The following MTUS2 variants were observed in gnomAD, a reference collection of about 807,000 sequenced individuals.
The protein encoded by MTUS2 is microtubule associated scaffold protein 2.
MTUS2 carries 40 observed loss-of-function variants against 114.1 expected under a neutral mutation model. The observed-to-expected ratio is 0.35, with a 90% confidence interval of 0.27 to 0.46. MTUS2 has a LOEUF of 0.46. Ranked by LOEUF, MTUS2 falls within the 20% of genes least tolerant of loss-of-function variation. The probability of loss-of-function intolerance (pLI) is 1.00; values close to 1 mark genes in which losing one functional copy is unlikely to be tolerated. For synonymous variants in MTUS2, 688 were observed against 672.0 expected (o/e 1.02, Z -0.37); for missense variants, 1,679 against 1,705.4 (o/e 0.98, Z 0.27).
At chr13:28,886,971 C>G (rs1202180404) in intron 2 of MTUS2, among the ~76,000 whole-genome samples, 5 of 152,164 alleles carry the variant, frequency 3.3e-5, no homozygotes, top group Non-Finnish European at 7.3e-5. Flanking sequence ...GCCAGTGTCT[C>G]TGGAGTGGTG....
At chr13:29,035,671 T>C (rs1175047869) in intron 4 of MTUS2, among the ~76,000 whole-genome samples, 2 of 152,206 alleles carry the variant, frequency 1.3e-5, no homozygotes, top group Non-Finnish European at 2.9e-5. Flanking sequence ...CTGTTTTCTT[T>C]TTATTTCACA....
At chr13:28,877,135 A>C (rs1209943967) in intron 2 of MTUS2, among the ~76,000 whole-genome samples, 1 of 128,738 alleles carries the variant, frequency 7.8e-6, no homozygotes, top group East Asian at 2.0e-4. Context: ...TAAAAATACA[A>C]AAAAAAAAAA....
At chr13:29,232,232 A>T (rs1295785032) in intron 5 of MTUS2, among the ~76,000 whole-genome samples, 4 of 152,166 alleles carry the variant, frequency 2.6e-5, no homozygotes, top group African/African-American at 9.7e-5. Context: ...AATTAATAAC[A>T]TGATTTCCAA....
At position 29,051,695 on chromosome 13, in the gene MTUS2, G is replaced by A. The variant is rs149801530; in HGVS notation, c.2446+17570G>A. Among the ~76,000 whole-genome samples, 587 of 152,322 alleles carry A rather than the reference G, an allele frequency of 3.9e-3. 2 individuals carry two copies. The highest frequency in any genetic ancestry group is 0.014 in the Middle Eastern group (4 of 294). ...CAAAAAATGGTCAATAATGTTGAAT[G>A]CCACTGGGCAGTTGGAGGGAGAGAA... On this transcript the variant is annotated intron_variant, in intron 4 of 15. Transcript: ENST00000612955.
At chr13:28,963,147 C>T (rs770189862) in intron 2 of MTUS2, among the ~76,000 whole-genome samples, 1 of 152,034 alleles carries the variant, frequency 6.6e-6, no homozygotes, top group Non-Finnish European at 1.5e-5. Flanking sequence ...GTCAGGAGAT[C>T]GAGACCATCC....
intron 13 of MTUS2, 191 bp downstream of exon 13, chr13:29,497,527 C>T (rs1459447016): frequency 1.7e-6 from 1 of 597,296 alleles, no homozygotes; most frequent in Admixed American, 2.9e-5. Context: ...CAGACAGCAG[C>T]TGTGGGTTTC....
chr13:29,111,328 T>TAAAAA, intron 5 of MTUS2, among the ~76,000 whole-genome samples: 1 of 152,224 alleles, frequency 6.6e-6, no homozygotes, highest in Non-Finnish European at 1.5e-5. Context: ...GCAAAGGTTT[T>TAAAAA]ACTGCCTTGC....
chr13:29,447,008 C>T (rs970027771), intron 9 of MTUS2, among the ~76,000 whole-genome samples: 3 of 152,222 alleles, frequency 2.0e-5, no homozygotes, highest in Admixed American at 6.5e-5. Context: ...AATCCAAAAC[C>T]TCTTGAGCAC....
At chr13:28,947,873 C>A (rs1044284913) in intron 2 of MTUS2, among the ~76,000 whole-genome samples, 8 of 152,128 alleles carry the variant, frequency 5.3e-5, no homozygotes, top group African/African-American at 1.2e-4. Flanking sequence ...AGAAATAGAG[C>A]CCATTAAAAC....
rs777137262 is a variant in MTUS2 at position 29,359,326 on chromosome 13, C to T, written c.2970C>T (p.Ala990=). ...TTCCGCCCAAGCCGGACCCGCAGGC[C>T]CGTGAGGCTGAGCGGCAGCTGGTGC... The part of the protein sequence containing the change: ...NGFPPKPDPQ[A]REAERQLVLR... Residue 990 remains alanine (A), a synonymous_variant, in exon 8 of 16, where the codon GCC becomes GCT. Coordinates refer to ENST00000612955, the MANE Select transcript of MTUS2 (RefSeq NM_001033602.4). 6 of 1,611,194 alleles carry T rather than the reference C, an allele frequency of 3.7e-6. No homozygotes were observed. The East Asian group carries it at 1.3e-4, about 36-fold the overall frequency.
At chr13:29,282,099 C>T (rs1331306168) in intron 6 of MTUS2, among the ~76,000 whole-genome samples, 8 of 152,234 alleles carry the variant, frequency 5.3e-5, no homozygotes, top group South Asian at 2.1e-4. Context: ...ACACAGTTTC[C>T]GTTTCAGAAA....
chr13:29,333,593 T>G (rs1900903619), intron 7 of MTUS2, among the ~76,000 whole-genome samples: 3 of 151,974 alleles, frequency 2.0e-5, no homozygotes, highest in Admixed American at 2.0e-4. Context: ...TTCTGAGGAG[T>G]TTTTTACTTC....
chr13:29,104,947 A>G (rs1890591599), intron 5 of MTUS2, among the ~76,000 whole-genome samples: 1 of 152,216 alleles, frequency 6.6e-6, no homozygotes, highest in African/African-American at 2.4e-5. Context: ...TGACCGTACT[A>G]TAGAATTTAG....
At chr13:29,164,606 A>G (rs1893237615) in intron 5 of MTUS2, among the ~76,000 whole-genome samples, 1 of 152,252 alleles carries the variant, frequency 6.6e-6, no homozygotes, top group South Asian at 2.1e-4. Flanking sequence ...GATGATGTAT[A>G]TGTGAATTAA....
chr13:29,033,927 T>A lies in MTUS2; in HGVS notation c.2248T>A (p.Tyr750Asn). 3 of 1,614,004 alleles carry A rather than the reference T, an allele frequency of 1.9e-6. No homozygotes were observed. Among genetic ancestry groups the A allele is most frequent in the Non-Finnish European group, 2.5e-6 (3 of 1,179,876 alleles). Residue 750 changes from tyrosine to asparagine, a missense_variant, in exon 4 of 16, where the codon TAT becomes AAT. Physicochemically the swap from Tyr to Asn is moderately radical, Grantham distance 143 (BLOSUM62 -2). Transcript: ENST00000612955. ...AAAAGAAGAGTTTTGTTCTCCTCCC[T>A]ATGCTCATTATGAAGTCCCTCCAAC... ...PGKEEFCSPPYAHYEVPPTFY... is the reference protein window; with the variant it reads ...PGKEEFCSPPNAHYEVPPTFY...
chr13:28,972,226 G>A (rs1331989352), intron 2 of MTUS2, among the ~76,000 whole-genome samples: 1 of 152,210 alleles, frequency 6.6e-6, no homozygotes, highest in Non-Finnish European at 1.5e-5. Context: ...CACCCTGGGT[G>A]GGGGAAGATG....
intron 2 of MTUS2, among the ~76,000 whole-genome samples, chr13:28,882,034 T>C (rs2138141826): frequency 6.6e-6 from 1 of 152,304 alleles, no homozygotes; most frequent in South Asian, 2.1e-4. Flanking sequence ...CTTCAATCCT[T>C]CCCTCACACC....
chr13:29,303,284 G>A (rs1249129640), intron 6 of MTUS2, among the ~76,000 whole-genome samples: 1 of 152,218 alleles, frequency 6.6e-6, no homozygotes, highest in African/African-American at 2.4e-5. Context: ...CAAGGACACA[G>A]AACTGGGCTG....
chr13:29,402,935 C>T (rs1566181749), intron 8 of MTUS2, among the ~76,000 whole-genome samples: 1 of 151,990 alleles, frequency 6.6e-6, no homozygotes, highest in Non-Finnish European at 1.5e-5. Context: ...TGAGGTTTCA[C>T]CATGTTGCCC....
Sources: gnomAD v4.1 joint callset for allele counts (sites outside exome capture counted in the v4.1 genomes callset) on GRCh38, gnomAD v4.1.1 for gene constraint, MANE v1.5 for transcripts, NCBI Gene and HGNC (gene_info 2026-07-23, HGNC 2026-07-21) for gene names.